The following LRRC57 variants were observed in gnomAD, a reference collection of about 807,000 sequenced individuals.
LRRC57 encodes the protein leucine-rich repeat-containing protein 57.
In LRRC57, 14 loss-of-function variants were observed where a neutral mutation model predicts 23.1. The ratio of observed to expected loss-of-function variants is 0.61; its 90% CI spans 0.40 to 0.95. The LOEUF is 0.95. Ranked by LOEUF, LRRC57 falls within the 40% of genes least tolerant of loss-of-function variation. The pLI is 0.00. For synonymous variants in LRRC57, 106 were observed against 115.2 expected (o/e 0.92, Z 0.51); for missense variants, 236 against 284.4 (o/e 0.83, Z 1.22).
intron 5 of LRRC57, among the ~76,000 whole-genome samples, chr15:42,544,836 C>CT (rs1256583979): frequency 4.8e-4 from 50 of 103,726 alleles, no homozygotes; most frequent in African/African-American, 2.4e-3. Flanking sequence ...CACACACACA[C>CT]ACACACTATA....
the LRRC57 span, among the ~76,000 whole-genome samples, chr15:42,530,768 G>T: frequency 4.6e-5 from 7 of 152,160 alleles, no homozygotes; most frequent in Admixed American, 4.6e-4. Context: ...AGGAAAAAAA[G>T]AAAGTCATAC....
At position 42,543,995 on chromosome 15, in the gene LRRC57, TAAC is replaced by T. The variant is rs2057643979; in HGVS notation, c.*85_*87del. 6.7e-6 allele frequency: 7 copies of T among 1,044,382 alleles called. No homozygotes were observed. The highest frequency in any genetic ancestry group is 3.9e-5 in the Admixed American group (2 of 50,770). 64.7% of individuals were successfully genotyped at this position (1,044,382 alleles called of 1,614,324 possible). ...ATCATCTCCTTACTGTAGATACCCC[TAAC>T]AACAACAGGAGGCTTTGACTCAGCC... On this transcript the variant is annotated 3_prime_UTR_variant, in exon 6 of 6. Transcript: ENST00000397130.
At chr15:42,545,978 A>G (rs1217516999) in intron 4 of LRRC57, among the ~76,000 whole-genome samples, 1 of 152,166 alleles carries the variant, frequency 6.6e-6, no homozygotes, top group Non-Finnish European at 1.5e-5. Context: ...TTTCAGTAAG[A>G]TATTTCCATT....
At chr15:42,529,770 G>A in the LRRC57 span, 1 of 1,613,950 alleles carries the variant, frequency 6.2e-7, no homozygotes, top group East Asian at 2.2e-5. Context: ...CTGAACATAG[G>A]CAATGAGATT....
At chr15:42,528,420 G>T in the LRRC57 span, 1 of 1,613,892 alleles carries the variant, frequency 6.2e-7, no homozygotes, top group South Asian at 1.1e-5. Flanking sequence ...TACATTAAAC[G>T]GTATGCCAAC....
chr15:42,537,233 TCACACACA>T (rs71108166), downstream of LRRC57, among the ~76,000 whole-genome samples: 8 of 136,588 alleles, frequency 5.9e-5, no homozygotes, highest in Non-Finnish European at 1.1e-4. Flanking sequence ...TCTCTCTCTC[TCACACACA>T]CACACACACA....
the LRRC57 span, chr15:42,529,864 G>A: frequency 4.4e-6 from 7 of 1,597,908 alleles, no homozygotes; most frequent in Non-Finnish European, 6.0e-6. Context: ...ACCCAGTTCA[G>A]TGTTTCAGTA....
downstream of LRRC57, among the ~76,000 whole-genome samples, chr15:42,534,054 A>G (rs1166210852): frequency 1.3e-5 from 2 of 152,142 alleles, no homozygotes; most frequent in African/African-American, 4.8e-5. Flanking sequence ...GTGAAACCAC[A>G]TCTGTACTAA....
chr15:42,529,940 A>C, the LRRC57 span: 1 of 1,053,628 alleles, frequency 9.5e-7, no homozygotes. Context: ...ATAGGTCTTA[A>C]TTCTGATGAG....
In LRRC57 at chr15:42,539,234, T is replaced by G. The variant is rs1270805546; in HGVS notation, c.*4849A>C. ...TGGCTAACACCTGTAATCCCAGCAC[T>G]ATGGGAAGCCAAGGCAGGGGGATCA... On this transcript the variant is annotated 3_prime_UTR_variant, in exon 6 of 6. Coordinates refer to ENST00000397130, the MANE Select transcript of LRRC57 (RefSeq NM_153260.3). 6.6e-6 allele frequency: 1 copy of G among 151,640 alleles called. No individual in the cohort carries two copies. Among genetic ancestry groups the G allele is most frequent in the Non-Finnish European group, 1.5e-5 (1 of 67,962 alleles). The allele number at this position is 151,640 out of a possible 1,614,324, so 9.4% of individuals were successfully genotyped here.
In LRRC57 at chr15:42,541,799, AC is replaced by A. The variant is rs1335758802; in HGVS notation, c.*2283del. 6.9e-6 allele frequency: 1 copy of A among 145,498 alleles called. No homozygotes were observed. Among genetic ancestry groups the A allele is most frequent in the Non-Finnish European group, 1.5e-5 (1 of 66,942 alleles). The allele number at this position is 145,498 out of a possible 1,614,324, so 9.0% of individuals were successfully genotyped here. A position where few individuals can be genotyped will look rare whatever the true frequency, so the allele number is the denominator to read the frequency against. ...TTTTGAGATGGAGTCTGGCTCTGTC[AC>A]CCAGGCTGGAGTGCAGTGGCAAGAT... is the stretch of plus-strand genomic sequence containing the variant. On this transcript the variant is annotated 3_prime_UTR_variant, in exon 6 of 6. Coordinates refer to ENST00000397130, the MANE Select transcript of LRRC57 (RefSeq NM_153260.3).
chr15:42,528,754 T>A, the LRRC57 span, among the ~76,000 whole-genome samples: 4 of 151,884 alleles, frequency 2.6e-5, no homozygotes, highest in Non-Finnish European at 2.9e-5. Context: ...CCCAGCTAAT[T>A]TTTGTATTTT....
rs34359922 is a variant in LRRC57, at chr15:42,543,858, A to G, written c.*225T>C. ...GAGAACCTTGTCTATTGCCCTACTC[A>G]TGACTCAAAACGGAAGACTTTTCCT... On this transcript the variant is annotated 3_prime_UTR_variant, in exon 6 of 6. Coordinates refer to ENST00000397130, the MANE Select transcript of LRRC57 (RefSeq NM_153260.3). The G allele has an allele frequency of 0.084, 35,847 of 428,202 alleles. 1,750 individuals are homozygous for G. The highest frequency in any genetic ancestry group is 0.15 in the South Asian group (2,192 of 14,840). The allele number at this position is 428,202 out of a possible 1,614,324, so 26.5% of individuals were successfully genotyped here.
chr15:42,542,793 A>G lies in LRRC57; in HGVS notation c.*1290T>C, dbSNP rs1277003947. ...GCCCTCTACCAATAAGGCACCTGCA[A>G]TAGTAGATAATTTGCTACCGCAGCC... On this transcript the variant is annotated 3_prime_UTR_variant, in exon 6 of 6. Coordinates refer to ENST00000397130, the MANE Select transcript of LRRC57 (RefSeq NM_153260.3). The G allele has an allele frequency of 2.0e-5, 3 of 152,616 alleles. No individual in the cohort carries two copies. Among genetic ancestry groups the G allele is most frequent in the East Asian group, 1.9e-4 (1 of 5,198 alleles). The allele number at this position is 152,616 out of a possible 1,614,324, so 9.5% of individuals were successfully genotyped here.
intron 1 of LRRC57, 112 bp downstream of exon 1, chr15:42,548,581 G>T: frequency 1.4e-6 from 1 of 725,550 alleles, no homozygotes; most frequent in Non-Finnish European, 2.2e-6. Context: ...AGAGCGACAA[G>T]GAAGAAACGG....
At chr15:42,528,408 G>A in the LRRC57 span, 2 of 1,614,080 alleles carry the variant, frequency 1.2e-6, no homozygotes, top group Non-Finnish European at 1.7e-6. Context: ...GCCAGTGGTG[G>A]ATACATTAAA....
At chr15:42,529,919 C>A in the LRRC57 span, 1 of 1,286,536 alleles carries the variant, frequency 7.8e-7, no homozygotes, top group Non-Finnish European at 1.1e-6. Flanking sequence ...GTAGAATAAG[C>A]TCCTGTCCTC....
At chr15:42,537,246 C>CACACACACACACACACACACACACACAT (rs1388784330), downstream of LRRC57, among the ~76,000 whole-genome samples, 1 of 151,222 alleles carries the variant, frequency 6.6e-6, no homozygotes, top group African/African-American at 2.4e-5. Context: ...CACACACACA[C>CACACACACACACACACACACACACACAT]ACACACACAC....
rs536199503 is a variant in LRRC57 at position 42,538,320 on chromosome 15, C to A, written c.*5763G>T. 14 of 152,110 alleles carry A rather than the reference C, an allele frequency of 9.2e-5. No individual in the cohort carries two copies. The highest frequency in any genetic ancestry group is 3.2e-3 in the Middle Eastern group (1 of 316). The allele number at this position is 152,110 out of a possible 1,614,324, so 9.4% of individuals were successfully genotyped here. A position where few individuals can be genotyped will look rare whatever the true frequency, so the allele number is the denominator to read the frequency against. Reference sequence around the variant, plus strand: ...ATTTCTCAGATTGATATTCAAGTTTCTCATCTAGTCATTTAAAAATTTATT... The same window carrying A: ...ATTTCTCAGATTGATATTCAAGTTTATCATCTAGTCATTTAAAAATTTATT... On this transcript the variant is annotated 3_prime_UTR_variant, in exon 6 of 6. Coordinates refer to ENST00000397130, the MANE Select transcript of LRRC57 (RefSeq NM_153260.3).
Sources: gnomAD v4.1 joint callset for allele counts (sites outside exome capture counted in the v4.1 genomes callset) on GRCh38, gnomAD v4.1.1 for gene constraint, MANE v1.5 for transcripts, NCBI Gene and HGNC (gene_info 2026-07-23, HGNC 2026-07-21) for gene names.